RMDN2: variants seen among roughly 807,000 people sequenced by gnomAD.
The protein encoded by RMDN2 is regulator of microtubule dynamics protein 2.
In RMDN2, 61 loss-of-function variants were observed where a neutral mutation model predicts 52.8. The ratio of observed to expected loss-of-function variants is 1.16; its 90% CI spans 0.94 to 1.43. RMDN2 has a LOEUF of 1.43. RMDN2 is among the 40% of genes most tolerant of loss of function. The probability of loss-of-function intolerance (pLI) is 0.00; values close to 1 mark genes in which losing one functional copy is unlikely to be tolerated. For missense variants in RMDN2, 592 were observed against 475.3 expected, an observed-to-expected ratio of 1.25 and a Z score of -2.28; for synonymous variants, 180 against 153.1, an observed-to-expected ratio of 1.18 and a Z score of -1.30.
chr2:38,018,989 T>C (rs569075154), downstream of RMDN2, among the ~76,000 whole-genome samples: 3 of 152,240 alleles, frequency 2.0e-5, no homozygotes, highest in Non-Finnish European at 4.4e-5. Flanking sequence ...TCTTCTATAA[T>C]GATCAGTCAA....
chr2:37,998,379 T>A (rs1212527460), intron 8 of RMDN2: 1 of 151,950 alleles, frequency 6.6e-6, no homozygotes, highest in Non-Finnish European at 1.5e-5. Flanking sequence ...AATAAAAAAA[T>A]TTGCTGGGCA....
chr2:38,026,228 T>G lies in RMDN2; in HGVS notation c.1713+22012T>G, dbSNP rs898528731. The stretch of plus-strand genomic sequence containing the variant: ...TATCTATTTTTCTATTTCATTTAAG[T>G]TGTCAAATTTGTTGGCACAAATTTA... On this transcript the variant is annotated intron_variant, in intron 10 of 10. Transcript: ENST00000234195. Among the ~76,000 whole-genome samples the G allele has an allele frequency of 2.0e-5, 3 of 152,246 alleles. 1 individual carries two copies. The highest frequency in any genetic ancestry group is 6.8e-3 in the Middle Eastern group (2 of 294).
intron 10 of RMDN2, among the ~76,000 whole-genome samples, chr2:38,024,624 A>G (rs1448147153): frequency 6.6e-6 from 1 of 152,098 alleles, no homozygotes; most frequent in African/African-American, 2.4e-5. Context: ...ATTTAAATTG[A>G]GACGTTTTGG....
chr2:37,933,686 C>G (rs1256787883), intron 2 of RMDN2, among the ~76,000 whole-genome samples: 1 of 152,200 alleles, frequency 6.6e-6, no homozygotes, highest in Non-Finnish European at 1.5e-5. Context: ...GCAGGAGAAT[C>G]AGGCAGGGAG....
chr2:37,926,930 T>TAA (rs113438920), intron 1 of RMDN2, among the ~76,000 whole-genome samples: 11 of 147,682 alleles, frequency 7.4e-5, no homozygotes, highest in African/African-American at 9.9e-5. Flanking sequence ...AGCGAGACTC[T>TAA]AAAAAAAAAA....
At chr2:37,990,077 A>T (rs1206341136) in intron 6 of RMDN2, among the ~76,000 whole-genome samples, 2 of 146,562 alleles carry the variant, frequency 1.4e-5, no homozygotes, top group Non-Finnish European at 3.0e-5. Flanking sequence ...TGGGGGGCGG[A>T]GCTTGCAGTG....
At chr2:38,018,167 A>ATGGCTTAGC (rs1239612533), downstream of RMDN2, among the ~76,000 whole-genome samples, 4 of 152,176 alleles carry the variant, frequency 2.6e-5, no homozygotes, top group African/African-American at 4.8e-5. Flanking sequence ...AGGGAATACG[A>ATGGCTTAGC]TGGCTTAGCT....
intron 2 of RMDN2, among the ~76,000 whole-genome samples, chr2:37,969,792 A>G (rs1196450051): frequency 1.4e-5 from 1 of 70,934 alleles, no homozygotes; most frequent in African/African-American, 3.0e-5. Flanking sequence ...TGTGAAATGT[A>G]TTATTGTATT....
intron 2 of RMDN2, among the ~76,000 whole-genome samples, chr2:37,942,685 A>G (rs1182144420): frequency 6.6e-6 from 1 of 152,178 alleles, no homozygotes; most frequent in Non-Finnish European, 1.5e-5. Flanking sequence ...CAAACTTTTC[A>G]TCATTCATTT....
At chr2:38,013,825 C>A (rs1302911874) in intron 10 of RMDN2, among the ~76,000 whole-genome samples, 1 of 152,122 alleles carries the variant, frequency 6.6e-6, no homozygotes, top group Non-Finnish European at 1.5e-5. Flanking sequence ...CTTGTTTGCC[C>A]ATTTCTTTCT....
chr2:38,021,449 G>A (rs529245437), downstream of RMDN2, among the ~76,000 whole-genome samples: 157 of 152,064 alleles, frequency 1.0e-3, 1 homozygote, highest in African/African-American at 3.7e-3. Context: ...CTGCTCACTC[G>A]GTCCACACTG....
chr2:38,042,811 A>G (rs1327391999), intron 10 of RMDN2, among the ~76,000 whole-genome samples: 6 of 151,906 alleles, frequency 3.9e-5, no homozygotes, highest in African/African-American at 1.5e-4. Context: ...GGATTTTCCA[A>G]TTATCTTTCT....
chr2:38,059,494 C>T (rs113204980), intron 10 of RMDN2, among the ~76,000 whole-genome samples: 26 of 152,070 alleles, frequency 1.7e-4, no homozygotes, highest in African/African-American at 6.0e-4. Context: ...GGAGTGGGGA[C>T]GGAGACAGAC....
In RMDN2 at chr2:37,987,533, C is replaced by T. The variant is rs144203178; in HGVS notation, c.792-2008C>T. Among the ~76,000 whole-genome samples, 151 of 151,774 alleles carry T rather than the reference C, an allele frequency of 9.9e-4. 2 individuals carry two copies. In the East Asian group the frequency reaches 0.022, roughly 22 times the overall value. On this transcript the variant is annotated intron_variant, in intron 5 of 10. Transcript: ENST00000354545. Reference sequence around the variant, plus strand: ...AAGGATCAGTGGTTGCCAGGGGTTGCGGGGAGGGAGGGATGAATAAGCAGA... The same window carrying T: ...AAGGATCAGTGGTTGCCAGGGGTTGTGGGGAGGGAGGGATGAATAAGCAGA...
At chr2:37,941,609 A>G (rs1172488337) in intron 2 of RMDN2, among the ~76,000 whole-genome samples, 2 of 152,202 alleles carry the variant, frequency 1.3e-5, no homozygotes, top group Non-Finnish European at 2.9e-5. Flanking sequence ...GGAGGAATCT[A>G]GAGAGGCAGT....
chr2:38,038,544 G>T (rs1286127812), intron 10 of RMDN2, among the ~76,000 whole-genome samples: 1 of 152,136 alleles, frequency 6.6e-6, no homozygotes, highest in Non-Finnish European at 1.5e-5. Flanking sequence ...AGCCAGCTGC[G>T]CCTGGAGCTA....
At chr2:38,056,256 C>T (rs1256539792) in intron 10 of RMDN2, among the ~76,000 whole-genome samples, 2 of 152,206 alleles carry the variant, frequency 1.3e-5, no homozygotes, top group Non-Finnish European at 2.9e-5. Context: ...CCCTAAGCAT[C>T]TAGGCCCAGC....
chr2:37,926,647 A>C (rs1236246911), intron 1 of RMDN2, among the ~76,000 whole-genome samples: 1 of 152,250 alleles, frequency 6.6e-6, no homozygotes, highest in African/African-American at 2.4e-5. Flanking sequence ...TAGAAGTATG[A>C]AAGCTAACAA....
intron 2 of RMDN2, among the ~76,000 whole-genome samples, chr2:37,948,167 G>A (rs1668380950): frequency 6.6e-6 from 1 of 152,142 alleles, no homozygotes; most frequent in African/African-American, 2.4e-5. Flanking sequence ...ATGTTCTTAG[G>A]ACATACCCCG....
Sources: allele counts gnomAD v4.1 joint callset (sites outside exome capture counted in the v4.1 genomes callset), GRCh38; gene constraint gnomAD v4.1.1; transcripts MANE v1.5; gene names NCBI Gene and HGNC (gene_info 2026-07-23, HGNC 2026-07-21).